Variants in ATP2A2 observed in about 807,000 individuals in gnomAD.
ATP2A2 encodes the protein ATPase sarcoplasmic/endoplasmic reticulum Ca2+ transporting 2, also known as sarcoplasmic/endoplasmic reticulum calcium ATPase 2.
ATP2A2 carries 14 observed loss-of-function variants against 109.3 expected under a neutral mutation model. The observed-to-expected ratio is 0.13, with a 90% CI of 0.08 to 0.20. ATP2A2 has a LOEUF of 0.20. ATP2A2 is among the 10% of genes least tolerant of loss of function. ATP2A2 has a pLI of 1.00. For missense variants in ATP2A2, 657 were observed against 1,321.6 expected (o/e 0.50, Z 7.80); for synonymous variants, 506 against 490.9 (o/e 1.03, Z -0.41).
intron 5 of ATP2A2, among the ~76,000 whole-genome samples, chr12:110,316,641 A>G (rs1876698359): frequency 6.6e-6 from 1 of 152,124 alleles, no homozygotes; most frequent in African/African-American, 2.4e-5. Context: ...CTCTGCCTTT[A>G]TGGAGCTTTT....
intron 3 of ATP2A2, among the ~76,000 whole-genome samples, chr12:110,287,060 C>T (rs1028587940): frequency 2.0e-5 from 3 of 152,104 alleles, no homozygotes; most frequent in African/African-American, 7.2e-5. Context: ...CGAGACCAGC[C>T]TGGCCAACAT....
rs142453092 is a variant in ATP2A2, at chr12:110,344,736, G to C, written c.2522-150G>C. On this transcript the variant is annotated intron_variant, in intron 16 of 19. Transcript: ENST00000539276. ...GGTCTAGTTGCTCTGGCTACCAGGCGTGAGCAGGTGGTGGTAGCACCACAG... is the reference window on the plus strand; with the variant it reads ...GGTCTAGTTGCTCTGGCTACCAGGCCTGAGCAGGTGGTGGTAGCACCACAG... 1.4e-3 allele frequency: 1,057 copies of C among 748,326 alleles called. 6 individuals carry two copies. In the African/African-American group the frequency reaches 0.017, roughly 12 times the overall value. The allele number at this position is 748,326 out of a possible 1,614,324, so 46.4% of individuals were successfully genotyped here.
chr12:110,283,742 G>A (rs970509219), intron 3 of ATP2A2, among the ~76,000 whole-genome samples: 4 of 152,080 alleles, frequency 2.6e-5, no homozygotes, highest in African/African-American at 9.7e-5. Flanking sequence ...ACCCAGTGCA[G>A]TACTTCTTTC....
intron 3 of ATP2A2, among the ~76,000 whole-genome samples, chr12:110,288,865 A>G (rs976077302): frequency 6.6e-6 from 1 of 152,200 alleles, no homozygotes; most frequent in Non-Finnish European, 1.5e-5. Context: ...CTTGCGTTTC[A>G]GTAATGTCAC....
chr12:110,291,660 T>G (rs1873316268), intron 3 of ATP2A2, among the ~76,000 whole-genome samples: 1 of 111,014 alleles, frequency 9.0e-6, no homozygotes, highest in African/African-American at 3.9e-5. Context: ...TTTTTTTTTT[T>G]GAGTTTTCGC....
chr12:110,317,946 G>A (rs1392213834), intron 5 of ATP2A2, among the ~76,000 whole-genome samples: 4 of 152,198 alleles, frequency 2.6e-5, no homozygotes, highest in Non-Finnish European at 4.4e-5. Flanking sequence ...AGGTAATTCA[G>A]AGTTTATTCT....
At chr12:110,304,922 GA>G (rs1875104343) in intron 5 of ATP2A2, among the ~76,000 whole-genome samples, 1 of 151,972 alleles carries the variant, frequency 6.6e-6, no homozygotes, top group Non-Finnish European at 1.5e-5. Flanking sequence ...GCTGAGGCAG[GA>G]AAAACCACTT....
intron 1 of ATP2A2, 137 bp downstream of exon 1, chr12:110,282,044 G>A (rs932373056): frequency 8.4e-6 from 5 of 596,420 alleles, no homozygotes; most frequent in Admixed American, 4.1e-5. Flanking sequence ...CCAGCGCGCC[G>A]GCCCCGCGGG....
chr12:110,340,546 A>G lies in ATP2A2; in HGVS notation c.1762-113A>G. The G allele has an allele frequency of 1.0e-5, 13 of 1,302,458 alleles. No individual in the cohort carries two copies. The highest frequency in any genetic ancestry group is 1.3e-5 in the Non-Finnish European group (12 of 930,714). The allele number at this position is 1,302,458 out of a possible 1,614,324, so 80.7% of individuals were successfully genotyped here. A position where few individuals can be genotyped will look rare whatever the true frequency, so the allele number is the denominator to read the frequency against. On this transcript the variant is annotated intron_variant, in intron 13 of 19. Transcript: ENST00000539276. The surrounding 1 kb of genome is among the most constrained non-coding windows in gnomAD (Gnocchi z 6.0). The stretch of plus-strand genomic sequence containing the variant: ...AGAGCGAAACTCCGCCTCAAAAAAA[A>G]AAAAAGAAAAAAAATGCAGAAACCT...
chr12:110,328,962 A>G (rs17187412), intron 8 of ATP2A2, among the ~76,000 whole-genome samples: 12,302 of 152,210 alleles, frequency 0.081, 543 homozygotes, highest in Middle Eastern at 0.11. Flanking sequence ...CTGAAGTCCT[A>G]ATTGGTTTTT....
intron 1 of ATP2A2, 32 bp downstream of exon 1, chr12:110,281,939 G>A (rs1566195065): frequency 6.6e-7 from 1 of 1,523,794 alleles, no homozygotes; most frequent in Admixed American, 2.0e-5. Flanking sequence ...GCAGGGGCCC[G>A]GCGCGGCCGG....
chr12:110,342,657 G>T lies in ATP2A2; in HGVS notation c.2318+209G>T, dbSNP rs1455001412. On this transcript the variant is annotated intron_variant, in intron 15 of 19. Transcript: ENST00000539276. This position sits in a 1 kb window ranked among gnomAD's most constrained non-coding sequence, Gnocchi z 4.6. ...GTCTGCAGCTGCCCCAATGTGCAAA[G>T]AATCCTCTTTAACGTGAGACTGAGC... is the stretch of plus-strand genomic sequence containing the variant. 1.3e-5 allele frequency among the ~76,000 whole-genome samples: 2 copies of T among 152,216 alleles called. No homozygotes were observed. Among genetic ancestry groups the T allele is most frequent in the African/African-American group, 2.4e-5 (1 of 41,462 alleles).
intron 5 of ATP2A2, among the ~76,000 whole-genome samples, chr12:110,302,581 T>G (rs1355165665): frequency 1.2e-5 from 1 of 86,926 alleles, no homozygotes; most frequent in Non-Finnish European, 2.2e-5. Flanking sequence ...TTTATTTTTA[T>G]TACTATTATT....
At chr12:110,332,771 C>T in intron 9 of ATP2A2, 86 bp downstream of exon 9, 4 of 1,217,390 alleles carry the variant, frequency 3.3e-6, no homozygotes, top group South Asian at 1.2e-5. Flanking sequence ...AAAGTTAAGA[C>T]AGCTTTCTGA....
chr12:110,329,526 C>T (rs968534235), intron 8 of ATP2A2: 2 of 152,320 alleles, frequency 1.3e-5, no homozygotes, highest in Non-Finnish European at 2.9e-5. Flanking sequence ...AAGCAATTCT[C>T]CTGCTTCAGC....
intron 5 of ATP2A2, among the ~76,000 whole-genome samples, chr12:110,321,079 G>T (rs917714819): frequency 6.6e-6 from 1 of 152,060 alleles, no homozygotes; most frequent in Non-Finnish European, 1.5e-5. Context: ...ATACAAAAAT[G>T]AGGCTGGTTG....
At chr12:110,296,279 G>A in intron 4 of ATP2A2, 1 of 363,794 alleles carries the variant, frequency 2.7e-6, no homozygotes, top group Non-Finnish European at 5.3e-6. Context: ...TCATGAGACA[G>A]AATTGATTTT....
At chr12:110,334,358 G>A (rs1485409276) in intron 11 of ATP2A2, 17 of 628,748 alleles carry the variant, frequency 2.7e-5, no homozygotes, top group African/African-American at 5.5e-5. Flanking sequence ...TTCCTTGAGC[G>A]ACCCTCTGGG....
rs1411192123 is a variant in ATP2A2, at chr12:110,349,901, G to A, written c.*3431G>A. ...CAGAAGCCGGGTGCCCACAGGGCAGGGACAGGAAGGCTGTGCTGCTACTGG... is the reference window on the plus strand; with the variant it reads ...CAGAAGCCGGGTGCCCACAGGGCAGAGACAGGAAGGCTGTGCTGCTACTGG... On this transcript the variant is annotated 3_prime_UTR_variant, in exon 20 of 20. Coordinates refer to ENST00000539276, the MANE Select transcript of ATP2A2 (RefSeq NM_170665.4). 1 of 1,100,432 alleles carries A rather than the reference G, an allele frequency of 9.1e-7. No individual in the cohort carries two copies. The highest frequency in any genetic ancestry group is 2.8e-5 in the South Asian group (1 of 36,026). The allele number at this position is 1,100,432 out of a possible 1,614,324, so 68.2% of individuals were successfully genotyped here.
Sources: allele counts gnomAD v4.1 joint callset (sites outside exome capture counted in the v4.1 genomes callset), GRCh38; gene constraint gnomAD v4.1.1; non-coding constraint Gnocchi (gnomAD v3.1); transcripts MANE v1.5; gene names NCBI Gene and HGNC (gene_info 2026-07-23, HGNC 2026-07-21).